Variants in DOCK3 observed in about 807,000 individuals in gnomAD.
DOCK3 encodes the protein dedicator of cytokinesis 3, also known as dedicator of cytokinesis protein 3.
In DOCK3, 60 loss-of-function variants were observed where a neutral mutation model predicts 265.6. That is an observed-to-expected ratio of 0.23 (90% confidence interval 0.18 to 0.28). The LOEUF is 0.28. Among genes scored for constraint, DOCK3 ranks in the 10% least tolerant of loss-of-function variants. DOCK3 has a pLI of 1.00. For synonymous variants in DOCK3, 881 were observed against 938.0 expected, an observed-to-expected ratio of 0.94 and a Z score of 1.11; for missense variants, 1,981 against 2,594.3, an observed-to-expected ratio of 0.76 and a Z score of 5.14.
chr3:51,338,388 A>T lies in DOCK3; in HGVS notation c.3641A>T (p.Asn1214Ile). ...TGCATGAAAGGAGAGGAAACAGAGAATAAGAAGATAGGCTGCACTGTTAAC... is the reference window on the plus strand; with the variant it reads ...TGCATGAAAGGAGAGGAAACAGAGATTAAGAAGATAGGCTGCACTGTTAAC... Reference protein sequence around the residue: ...RDCMKGEETENKKIGCTVNLM... With the variant: ...RDCMKGEETEIKKIGCTVNLM... The change falls in exon 36 of 53, where the codon AAT (asparagine) becomes ATT (isoleucine). Residue 1214 changes from asparagine (N) to isoleucine (I), a missense_variant. Physicochemically the swap from Asn to Ile is moderately radical, Grantham distance 149. Coordinates refer to ENST00000266037, the MANE Select transcript of DOCK3 (RefSeq NM_004947.5). 1 of 1,551,820 alleles carries T rather than the reference A, an allele frequency of 6.4e-7. No homozygotes were observed. The highest frequency in any genetic ancestry group is 8.7e-7 in the Non-Finnish European group (1 of 1,147,032).
chr3:51,312,645 C>A, intron 30 of DOCK3, 69 bp downstream of exon 30: 1 of 1,422,010 alleles, frequency 7.0e-7, no homozygotes, highest in Non-Finnish European at 9.5e-7. Context: ...GTTGAGAGTT[C>A]TTTCAGAGGT....
Position 51,228,170 on chromosome 3 carries a change from T to G in DOCK3, c.1647+82T>G, listed in dbSNP as rs1393793337. On this transcript the variant is annotated intron_variant, in intron 17 of 52. Coordinates refer to ENST00000266037, the MANE Select transcript of DOCK3 (RefSeq NM_004947.5). Reference sequence around the variant, plus strand: ...ACACATGGTTCTCAGTTAGGTGGTTTTCACTGGGCAGGCCAGAAGACCAAG... The same window carrying G: ...ACACATGGTTCTCAGTTAGGTGGTTGTCACTGGGCAGGCCAGAAGACCAAG... The G allele has an allele frequency of 2.2e-5, 31 of 1,402,336 alleles. No homozygotes were observed. The East Asian group carries it at 7.2e-4, about 33-fold the overall frequency. 86.9% of individuals were successfully genotyped at this position (1,402,336 alleles called of 1,614,324 possible). A position where few individuals can be genotyped will look rare whatever the true frequency, so the allele number is the denominator to read the frequency against.
chr3:51,300,291 A>G (rs2082303797), intron 27 of DOCK3, among the ~76,000 whole-genome samples: 1 of 152,232 alleles, frequency 6.6e-6, no homozygotes, highest in Admixed American at 6.5e-5. Flanking sequence ...TATCAGCTTA[A>G]TGAGCTTTTA....
intron 3 of DOCK3, among the ~76,000 whole-genome samples, chr3:50,875,053 T>C (rs1427397728): frequency 6.6e-6 from 1 of 150,826 alleles, no homozygotes; most frequent in African/African-American, 2.4e-5. Context: ...CACACCGGAG[T>C]TGTGGGGGAG....
chr3:51,051,285 A>G (rs1384879706), intron 5 of DOCK3, among the ~76,000 whole-genome samples: 2 of 152,220 alleles, frequency 1.3e-5, no homozygotes, highest in East Asian at 3.8e-4. Flanking sequence ...ATTATTTATT[A>G]TTAGAGAGGT....
intron 13 of DOCK3, among the ~76,000 whole-genome samples, chr3:51,212,010 C>T (rs2089533652): frequency 6.6e-6 from 1 of 152,154 alleles, no homozygotes; most frequent in Admixed American, 6.5e-5. Flanking sequence ...TTCATGAAGG[C>T]TCTCTTGTGC....
At chr3:50,855,880 C>G (rs780231552) in intron 3 of DOCK3, among the ~76,000 whole-genome samples, 2 of 152,072 alleles carry the variant, frequency 1.3e-5, no homozygotes, top group African/African-American at 4.8e-5. Context: ...TGTTTCCCCC[C>G]ATGTGTCCAT....
intron 3 of DOCK3, among the ~76,000 whole-genome samples, chr3:50,871,511 A>G (rs543758460): frequency 2.0e-5 from 3 of 151,852 alleles, no homozygotes; most frequent in African/African-American, 7.2e-5. Context: ...TCTGTGGGTT[A>G]AATTTTCTTG....
At chr3:50,732,446 C>T (rs964434120) in intron 1 of DOCK3, among the ~76,000 whole-genome samples, 2 of 152,164 alleles carry the variant, frequency 1.3e-5, no homozygotes, top group Admixed American at 6.5e-5. Context: ...CTGTGTTGCC[C>T]AGTCTGCAGT....
chr3:50,857,063 G>A (rs577298357), intron 3 of DOCK3, among the ~76,000 whole-genome samples: 4 of 152,066 alleles, frequency 2.6e-5, no homozygotes, highest in Admixed American at 6.6e-5. Flanking sequence ...TGCGCTGCTC[G>A]ATTCAGTTTG....
At chr3:50,998,748 A>G (rs2078368961) in intron 5 of DOCK3, among the ~76,000 whole-genome samples, 1 of 152,232 alleles carries the variant, frequency 6.6e-6, no homozygotes. Context: ...CTTTTTCATA[A>G]GCAAAGGATT....
intron 5 of DOCK3, among the ~76,000 whole-genome samples, chr3:51,011,409 T>A (rs9682095): frequency 0.9 from 137,233 of 152,234 alleles, 62,055 homozygotes; most frequent in African/African-American, 0.95. Context: ...CTTCCAGTTG[T>A]TCAAGTTGGC....
intron 1 of DOCK3, among the ~76,000 whole-genome samples, chr3:50,743,258 A>G (rs1033077379): frequency 3.3e-5 from 5 of 152,072 alleles, no homozygotes; most frequent in African/African-American, 7.3e-5. Context: ...TGTAAAGACC[A>G]TCGAGGCTAG....
chr3:51,241,085 G>T (rs913992233), intron 21 of DOCK3, among the ~76,000 whole-genome samples: 19 of 152,114 alleles, frequency 1.2e-4, no homozygotes, highest in African/African-American at 4.6e-4. Flanking sequence ...TGCGTATTTT[G>T]TGCTTCCTTC....
At chr3:50,755,899 G>A (rs2040132425) in intron 1 of DOCK3, among the ~76,000 whole-genome samples, 1 of 152,178 alleles carries the variant, frequency 6.6e-6, no homozygotes. Flanking sequence ...CTGCTGAGGG[G>A]CAGAAGTAGG....
chr3:51,290,524 G>A (rs576265282), intron 27 of DOCK3, among the ~76,000 whole-genome samples: 68 of 152,176 alleles, frequency 4.5e-4, no homozygotes, highest in Non-Finnish European at 7.8e-4. Flanking sequence ...ATCACACACC[G>A]GGGCCTGTTG....
At chr3:51,114,573 A>C (rs928366538) in intron 9 of DOCK3, among the ~76,000 whole-genome samples, 5 of 152,210 alleles carry the variant, frequency 3.3e-5, no homozygotes, top group Non-Finnish European at 5.9e-5. Flanking sequence ...TAGAGGCAGA[A>C]ATGAGGATAC....
chr3:51,339,052 A>G (rs548593861), intron 37 of DOCK3, 24 bp downstream of exon 37: 2 of 1,535,474 alleles, frequency 1.3e-6, no homozygotes, highest in South Asian at 1.3e-5. Flanking sequence ...AGAGAGAGCC[A>G]TGCCTGACCA....
chr3:51,117,565 T>C (rs1354170951), intron 9 of DOCK3, among the ~76,000 whole-genome samples: 4 of 152,196 alleles, frequency 2.6e-5, no homozygotes, highest in Non-Finnish European at 4.4e-5. Context: ...ATACCTCTAG[T>C]AGAAATCGGC....
Sources: allele counts gnomAD v4.1 joint callset (sites outside exome capture counted in the v4.1 genomes callset), GRCh38; gene constraint gnomAD v4.1.1; transcripts MANE v1.5; gene names NCBI Gene and HGNC (gene_info 2026-07-23, HGNC 2026-07-21).